ZNF423: variants seen among roughly 807,000 people sequenced by gnomAD.
ZNF423 encodes the protein Ebf-associated zinc finger protein.
Under a neutral mutation model 95.8 loss-of-function variants are expected in ZNF423, and 12 were observed. That is an observed-to-expected ratio of 0.13 (90% CI 0.08 to 0.20). The LOEUF (loss-of-function observed/expected upper bound fraction) is 0.20, where lower values mean the gene tolerates loss of function less well. ZNF423 is among the 10% of genes least tolerant of loss of function. The pLI, the probability that ZNF423 is intolerant of heterozygous loss-of-function variation, is 1.00. For missense variants in ZNF423, 1,316 were observed against 1,737.1 expected, an observed-to-expected ratio of 0.76 and a Z score of 4.31; for synonymous variants, 749 against 711.9, an observed-to-expected ratio of 1.05 and a Z score of -0.83.
At chr16:49,596,962 G>A (rs889835842) in intron 5 of ZNF423, among the ~76,000 whole-genome samples, 2 of 152,200 alleles carry the variant, frequency 1.3e-5, no homozygotes, top group South Asian at 2.1e-4. Context: ...CTGGGGTTTC[G>A]GCCACGTGGC....
intron 3 of ZNF423, among the ~76,000 whole-genome samples, chr16:49,663,707 C>T (rs571740124): frequency 6.6e-6 from 1 of 152,168 alleles, no homozygotes; most frequent in Non-Finnish European, 1.5e-5. Context: ...GCCCTCCCCA[C>T]GGGAGACAGA....
intron 5 of ZNF423, among the ~76,000 whole-genome samples, chr16:49,598,169 A>G (rs1481934924): frequency 6.6e-6 from 1 of 152,200 alleles, no homozygotes; most frequent in Non-Finnish European, 1.5e-5. Flanking sequence ...AGAAGACAGG[A>G]GTGGTGAGAA....
At chr16:49,589,969 A>G (rs1248228883) in intron 5 of ZNF423, among the ~76,000 whole-genome samples, 1 of 149,432 alleles carries the variant, frequency 6.7e-6, no homozygotes, top group African/African-American at 2.5e-5. Context: ...GTGAAATTCC[A>G]ACGAGTCTTG....
In ZNF423 at chr16:49,637,801, G is replaced by T. The variant is rs773982550; in HGVS notation, c.1375C>A (p.Pro459Thr). ...TGCTCGTTGAGGTTGTAGAGGGTGG[G>T]CATGGAGTCCAGGCAGATCTGACAT... ...HTCQICLDSM[P>T]TLYNLNEHVR... Residue 459 changes from proline (P) to threonine (T), a missense_variant, in exon 4 of 8, where the codon CCC becomes ACC. Around this residue, in one of 6 missense-constraint regions of ZNF423, gnomAD observed 399 missense variants for 478.5 expected, o/e 0.83. Coordinates refer to ENST00000563137, the MANE Select transcript of ZNF423 (RefSeq NM_001379286.1). The surrounding 1 kb of genome is among the most constrained non-coding windows in gnomAD (Gnocchi z 5.6). 1.2e-6 allele frequency: 2 copies of T among 1,614,188 alleles called. No homozygotes were observed. The highest frequency in any genetic ancestry group is 8.5e-7 in the Non-Finnish European group (1 of 1,180,042).
At chr16:49,854,671 G>C in intron 1 of ZNF423, 1 of 985,442 alleles carries the variant, frequency 1.0e-6, no homozygotes, top group Non-Finnish European at 1.2e-6. Flanking sequence ...CAAAGCAGCA[G>C]GCAAGGCCTG....
chr16:49,707,034 A>G (rs566466650), intron 3 of ZNF423, among the ~76,000 whole-genome samples: 5 of 152,166 alleles, frequency 3.3e-5, no homozygotes, highest in South Asian at 4.2e-4. Context: ...ACCTCTTCCA[A>G]TGGCTTCCCA....
chr16:49,709,702 C>T (rs77077476), intron 3 of ZNF423, among the ~76,000 whole-genome samples: 6 of 152,160 alleles, frequency 3.9e-5, no homozygotes, highest in East Asian at 1.9e-4. Flanking sequence ...TCCATCCCTA[C>T]GAGTGCGATC....
In ZNF423 at chr16:49,555,374, C is replaced by G. The variant is rs1483401894; in HGVS notation, c.3602-29880G>C. 2.0e-5 allele frequency among the ~76,000 whole-genome samples: 3 copies of G among 152,354 alleles called. No homozygotes were observed. In the East Asian group the frequency reaches 5.8e-4, roughly 29 times the overall value. On this transcript the variant is annotated intron_variant, in intron 5 of 7. Transcript: ENST00000563137. ...ACTCAATAAACAGAGGCAACATTTA[C>G]TGAGCCCTTACCATGCCAGGCACTG... is the stretch of plus-strand genomic sequence containing the variant.
intron 5 of ZNF423, among the ~76,000 whole-genome samples, chr16:49,528,833 G>A (rs1048142121): frequency 4.6e-5 from 7 of 152,046 alleles, no homozygotes; most frequent in South Asian, 4.2e-4. Flanking sequence ...ACTCCTTTGC[G>A]TGCTGGTGAC....
intron 3 of ZNF423, among the ~76,000 whole-genome samples, chr16:49,699,341 G>A (rs929146450): frequency 6.6e-6 from 1 of 152,172 alleles, no homozygotes; most frequent in African/African-American, 2.4e-5. Context: ...CCAGGCAGAC[G>A]CCAAAAATAG....
intron 5 of ZNF423, among the ~76,000 whole-genome samples, chr16:49,565,273 A>G (rs922094612): frequency 3.9e-5 from 6 of 152,232 alleles, no homozygotes; most frequent in Admixed American, 1.3e-4. Flanking sequence ...ACGTGGGCCC[A>G]GAGTGGCCAA....
chr16:49,689,857 C>T (rs2031712629), intron 3 of ZNF423, among the ~76,000 whole-genome samples: 1 of 152,200 alleles, frequency 6.6e-6, no homozygotes. Context: ...AGAATGGCCA[C>T]ATCTCTGGAT....
rs181210880 is a variant in ZNF423 at position 49,603,277 on chromosome 16, G to T, written c.3601+22893C>A. Among the ~76,000 whole-genome samples, 3 of 152,306 alleles carry T rather than the reference G, an allele frequency of 2.0e-5. No homozygotes were observed. The highest frequency in any genetic ancestry group is 2.0e-4 in the Admixed American group (3 of 15,296). On this transcript the variant is annotated intron_variant, in intron 5 of 7. Transcript: ENST00000563137. This position sits in a 1 kb window ranked among gnomAD's most constrained non-coding sequence, Gnocchi z 4.1. ...ACCATATCCTGCAGGCCTGTGTCCTGTGGGGTTCCTGTCACTCAAAGAATC... is the reference window on the plus strand; with the variant it reads ...ACCATATCCTGCAGGCCTGTGTCCTTTGGGGTTCCTGTCACTCAAAGAATC...
At chr16:49,664,063 C>G in intron 3 of ZNF423, 7 of 985,772 alleles carry the variant, frequency 7.1e-6, no homozygotes, top group Non-Finnish European at 8.4e-6. Context: ...CAGCCACCCC[C>G]TCATCACTGT....
intron 2 of ZNF423, among the ~76,000 whole-genome samples, chr16:49,771,192 C>CTTTTTTTTTTTTTTTTTTTT (rs71380376): frequency 2.2e-5 from 2 of 89,436 alleles, no homozygotes; most frequent in Non-Finnish European, 4.1e-5. Context: ...TTTTTTTTTT[C>CTTTTTTTTTTTTTTTTTTTT]TTTTTTTTTT....
At chr16:49,539,377 C>T (rs972219451) in intron 5 of ZNF423, among the ~76,000 whole-genome samples, 3 of 152,176 alleles carry the variant, frequency 2.0e-5, no homozygotes, top group Non-Finnish European at 4.4e-5. Flanking sequence ...GCTGGACATA[C>T]CCCCTCATTT....
chr16:49,681,401 CT>C (rs2031349009), intron 3 of ZNF423, among the ~76,000 whole-genome samples: 2 of 152,182 alleles, frequency 1.3e-5, no homozygotes, highest in African/African-American at 4.8e-5. Context: ...TAACTGAGTG[CT>C]TTTTGGGGAT....
intron 1 of ZNF423, among the ~76,000 whole-genome samples, chr16:49,848,723 G>T (rs1273854106): frequency 6.6e-6 from 1 of 152,156 alleles, no homozygotes; most frequent in Non-Finnish European, 1.5e-5. Context: ...CTGACAAATT[G>T]CTGGCGAATA....
At chr16:49,721,390 A>C (rs926739001) in intron 3 of ZNF423, among the ~76,000 whole-genome samples, 1 of 152,160 alleles carries the variant, frequency 6.6e-6, no homozygotes, top group Non-Finnish European at 1.5e-5. Flanking sequence ...GCTTGCTGAC[A>C]GGTGCCCTCT....
Sources: gnomAD v4.1 joint callset for allele counts (sites outside exome capture counted in the v4.1 genomes callset) on GRCh38, gnomAD v4.1.1 for gene constraint, gnomAD v4.1.1 regional missense constraint, Gnocchi (gnomAD v3.1) non-coding constraint, MANE v1.5 for transcripts, NCBI Gene and HGNC (gene_info 2026-07-23, HGNC 2026-07-21) for gene names.